The following CDH18 variants were observed in gnomAD, a reference collection of about 807,000 sequenced individuals.
The protein encoded by CDH18 is cadherin 18.
A neutral mutation model predicts 67.9 loss-of-function variants in CDH18; 31 were observed. The observed-to-expected ratio is 0.46, with a 90% CI of 0.34 to 0.62. The LOEUF is 0.62. CDH18 is among the 20% of genes least tolerant of loss of function. CDH18 has a pLI of 0.01. For missense variants in CDH18, 890 were observed against 975.5 expected (o/e 0.91, Z 1.17); for synonymous variants, 362 against 347.2 (o/e 1.04, Z -0.48).
At chr5:19,780,764 T>A (rs908557746) in intron 3 of CDH18, among the ~76,000 whole-genome samples, 1 of 152,150 alleles carries the variant, frequency 6.6e-6, no homozygotes, top group Admixed American at 6.6e-5. Context: ...TTCCCTCCTT[T>A]AACTTTTGTA....
intron 3 of CDH18, among the ~76,000 whole-genome samples, chr5:19,749,536 T>C (rs1290303716): frequency 6.6e-6 from 1 of 151,176 alleles, no homozygotes. Context: ...TTTTTATTAC[T>C]AACAAAATGT....
intron 2 of CDH18, among the ~76,000 whole-genome samples, chr5:20,121,106 T>C (rs1240058271): frequency 1.3e-5 from 2 of 152,128 alleles, no homozygotes; most frequent in African/African-American, 2.4e-5. Flanking sequence ...GTGAAGTCAA[T>C]TGGAAATTTG....
chr5:20,541,525 T>A (rs966076285), intron 1 of CDH18, among the ~76,000 whole-genome samples: 5 of 152,234 alleles, frequency 3.3e-5, no homozygotes, highest in Non-Finnish European at 7.4e-5. Context: ...AAACCCTAGA[T>A]AAAATATTAA....
intron 3 of CDH18, among the ~76,000 whole-genome samples, chr5:19,801,859 C>G: frequency 6.6e-6 from 1 of 152,092 alleles, no homozygotes; most frequent in East Asian, 1.9e-4. Flanking sequence ...CAACACCATA[C>G]AAATATTTAC....
At chr5:19,647,073 T>A (rs1754861315) in intron 5 of CDH18, among the ~76,000 whole-genome samples, 1 of 152,092 alleles carries the variant, frequency 6.6e-6, no homozygotes, top group Admixed American at 6.6e-5. Flanking sequence ...CTCACCAGTC[T>A]GGGAAAGAAC....
chr5:20,019,052 C>T (rs1320635520), intron 2 of CDH18, among the ~76,000 whole-genome samples: 1 of 151,836 alleles, frequency 6.6e-6, no homozygotes, highest in Admixed American at 6.6e-5. Context: ...CCATCTCGGC[C>T]TCCCAAAGTG....
At chr5:20,070,855 A>C (rs1472649660) in intron 2 of CDH18, among the ~76,000 whole-genome samples, 2 of 152,216 alleles carry the variant, frequency 1.3e-5, no homozygotes, top group Non-Finnish European at 2.9e-5. Context: ...ATTATGACTC[A>C]ACAGAAAGTG....
chr5:20,112,071 G>A (rs1325488261), intron 2 of CDH18, among the ~76,000 whole-genome samples: 1 of 152,074 alleles, frequency 6.6e-6, no homozygotes. Context: ...AGGAAGTTAA[G>A]TTCACACACT....
intron 2 of CDH18, among the ~76,000 whole-genome samples, chr5:20,141,600 T>C (rs1321542737): frequency 1.3e-5 from 2 of 152,186 alleles, no homozygotes; most frequent in East Asian, 3.9e-4. Flanking sequence ...GAGGTCATCA[T>C]GTGACAGAGA....
chr5:19,556,002 G>A (rs1282530533), intron 8 of CDH18, among the ~76,000 whole-genome samples: 1 of 152,128 alleles, frequency 6.6e-6, no homozygotes, highest in African/African-American at 2.4e-5. Context: ...TCCACTGGGT[G>A]GCTAGAGCTA....
At chr5:20,118,163 A>C (rs1748075153) in intron 2 of CDH18, among the ~76,000 whole-genome samples, 1 of 152,210 alleles carries the variant, frequency 6.6e-6, no homozygotes, top group Non-Finnish European at 1.5e-5. Context: ...TTAAAAATAG[A>C]GTTATAGAAA....
intron 1 of CDH18, among the ~76,000 whole-genome samples, chr5:20,432,976 TAATA>T (rs1211820648): frequency 1.3e-5 from 2 of 148,740 alleles, no homozygotes; most frequent in African/African-American, 2.4e-5. Context: ...ACAGCATATA[TAATA>T]AATGTATGTA....
intron 3 of CDH18, among the ~76,000 whole-genome samples, chr5:19,809,690 G>C (rs1381854892): frequency 6.6e-6 from 1 of 152,136 alleles, no homozygotes; most frequent in Non-Finnish European, 1.5e-5. Flanking sequence ...TGTTGTTGTT[G>C]TTTACATTAA....
At chr5:20,076,077 T>C (rs879599880) in intron 2 of CDH18, among the ~76,000 whole-genome samples, 2 of 152,146 alleles carry the variant, frequency 1.3e-5, no homozygotes, top group Non-Finnish European at 2.9e-5. Context: ...CTTGTACCCC[T>C]TAAATCTATA....
At chr5:19,752,977 G>T (rs2149675624) in intron 3 of CDH18, among the ~76,000 whole-genome samples, 1 of 152,272 alleles carries the variant, frequency 6.6e-6, no homozygotes, top group Admixed American at 6.5e-5. Context: ...CATAGGAAAA[G>T]GGGGAGGACA....
At chr5:19,799,468 AC>A (rs1777215198) in intron 3 of CDH18, among the ~76,000 whole-genome samples, 1 of 151,116 alleles carries the variant, frequency 6.6e-6, no homozygotes, top group Non-Finnish European at 1.5e-5. Flanking sequence ...ACACACACAC[AC>A]ACACCACATA....
At chr5:20,019,991 C>T (rs1380000327) in intron 2 of CDH18, among the ~76,000 whole-genome samples, 1 of 152,140 alleles carries the variant, frequency 6.6e-6, no homozygotes, top group African/African-American at 2.4e-5. Flanking sequence ...GAGATGAGGA[C>T]CTTACTAGGA....
At chr5:20,093,870 T>C (rs1450458883) in intron 2 of CDH18, among the ~76,000 whole-genome samples, 1 of 152,152 alleles carries the variant, frequency 6.6e-6, no homozygotes, top group East Asian at 1.9e-4. Flanking sequence ...GATATAAAAC[T>C]TGAAGTTCAT....
At chr5:20,363,404 G>C (rs1392366705) in intron 1 of CDH18, among the ~76,000 whole-genome samples, 1 of 138,330 alleles carries the variant, frequency 7.2e-6, no homozygotes, top group Non-Finnish European at 1.5e-5. Flanking sequence ...AGAATCACTT[G>C]AACCTGGGAG....
Sources: gnomAD v4.1 joint callset for allele counts (sites outside exome capture counted in the v4.1 genomes callset) on GRCh38, gnomAD v4.1.1 for gene constraint, MANE v1.5 for transcripts, NCBI Gene and HGNC (gene_info 2026-07-23, HGNC 2026-07-21) for gene names.